Variants in RPS6KC1 observed in about 807,000 individuals in gnomAD.
RPS6KC1 encodes inactive ribosomal protein S6 kinase delta-1.
A neutral mutation model predicts 103.8 loss-of-function variants in RPS6KC1; 54 were observed. That is an observed-to-expected ratio of 0.52 (90% CI 0.42 to 0.65). RPS6KC1 has a LOEUF of 0.65. RPS6KC1 is among the 30% of genes least tolerant of loss of function. The probability of loss-of-function intolerance (pLI) is 0.00; values close to 1 mark genes in which losing one functional copy is unlikely to be tolerated. For synonymous variants in RPS6KC1, 439 were observed against 438.7 expected, an observed-to-expected ratio of 1.00 and a Z score of -0.01; for missense variants, 1,151 against 1,253.8, an observed-to-expected ratio of 0.92 and a Z score of 1.24.
chr1:213,706,705 C>G, the RPS6KC1 span, among the ~76,000 whole-genome samples: 1 of 152,142 alleles, frequency 6.6e-6, no homozygotes, highest in Non-Finnish European at 1.5e-5. Flanking sequence ...CCTTGCCCCC[C>G]ACCCGTTGAC....
the RPS6KC1 span, among the ~76,000 whole-genome samples, chr1:213,844,008 A>C: frequency 6.6e-6 from 1 of 152,128 alleles, no homozygotes; most frequent in Non-Finnish European, 1.5e-5. Context: ...GGGGAAAAAA[A>C]AAAAGAAGAA....
the RPS6KC1 span, among the ~76,000 whole-genome samples, chr1:213,479,728 T>C: frequency 2.0e-5 from 3 of 152,096 alleles, no homozygotes; most frequent in African/African-American, 7.2e-5. Flanking sequence ...CACAAAGATG[T>C]TCTTTTATTT....
At chr1:213,409,727 C>T in the RPS6KC1 span, among the ~76,000 whole-genome samples, 3 of 152,210 alleles carry the variant, frequency 2.0e-5, no homozygotes, top group African/African-American at 7.2e-5. Context: ...TTAGTGCATG[C>T]TCTGTGTAAC....
chr1:213,166,927 G>GTCTC (rs2091016726), intron 6 of RPS6KC1, among the ~76,000 whole-genome samples: 1 of 152,140 alleles, frequency 6.6e-6, no homozygotes, highest in Non-Finnish European at 1.5e-5. Context: ...TTTCTTTTAA[G>GTCTC]TCTCGTATAT....
chr1:213,621,859 C>T, the RPS6KC1 span, among the ~76,000 whole-genome samples: 1 of 152,222 alleles, frequency 6.6e-6, no homozygotes, highest in African/African-American at 2.4e-5. Context: ...GAACGTGATG[C>T]CCTATTTCTT....
At chr1:213,685,451 T>C in the RPS6KC1 span, among the ~76,000 whole-genome samples, 3 of 152,098 alleles carry the variant, frequency 2.0e-5, no homozygotes, top group South Asian at 6.2e-4. Flanking sequence ...GCCAACATGG[T>C]GAAAACCCCT....
At chr1:213,268,372 A>G (rs1238022194) in intron 14 of RPS6KC1, among the ~76,000 whole-genome samples, 1 of 151,914 alleles carries the variant, frequency 6.6e-6, no homozygotes, top group African/African-American at 2.4e-5. Context: ...AAATATAGAA[A>G]GACTGGGAGG....
intron 3 of RPS6KC1, among the ~76,000 whole-genome samples, chr1:213,103,062 T>C (rs1423295244): frequency 6.6e-6 from 1 of 151,912 alleles, no homozygotes; most frequent in East Asian, 1.9e-4. Context: ...TAGCTGGCTG[T>C]GGTGGCGTGT....
chr1:213,219,698 T>C (rs921571310), intron 8 of RPS6KC1, among the ~76,000 whole-genome samples: 7 of 152,318 alleles, frequency 4.6e-5, no homozygotes, highest in Admixed American at 3.3e-4. Context: ...GATGAGTTCA[T>C]GTCCTTTGTA....
chr1:213,835,099 A>G, the RPS6KC1 span, among the ~76,000 whole-genome samples: 2 of 152,216 alleles, frequency 1.3e-5, no homozygotes, highest in Non-Finnish European at 2.9e-5. Flanking sequence ...CAAAATCGAA[A>G]TTAAATTAAA....
At chr1:213,762,688 T>C in the RPS6KC1 span, among the ~76,000 whole-genome samples, 1 of 152,282 alleles carries the variant, frequency 6.6e-6, no homozygotes, top group African/African-American at 2.4e-5. Flanking sequence ...AAAATACCTG[T>C]CATTCATATT....
chr1:213,306,608 G>T, the RPS6KC1 span, among the ~76,000 whole-genome samples: 1 of 152,160 alleles, frequency 6.6e-6, no homozygotes, highest in Non-Finnish European at 1.5e-5. Flanking sequence ...CACTTAAAGG[G>T]AGAATGTTAT....
intron 6 of RPS6KC1, among the ~76,000 whole-genome samples, chr1:213,148,640 T>G (rs2088189157): frequency 6.6e-6 from 1 of 152,142 alleles, no homozygotes; most frequent in Non-Finnish European, 1.5e-5. Context: ...ATGGTTTTCT[T>G]TTTTTTGGAT....
chr1:213,385,724 G>A, the RPS6KC1 span, among the ~76,000 whole-genome samples: 1 of 152,124 alleles, frequency 6.6e-6, no homozygotes, highest in Non-Finnish European at 1.5e-5. Flanking sequence ...ACCAGGACAG[G>A]TGCACTGAGT....
Position 213,104,538 on chromosome 1 carries a change from A to G in RPS6KC1, c.347A>G (p.Tyr116Cys), listed in dbSNP as rs1008424132. 6.2e-7 allele frequency: 1 copy of G among 1,604,988 alleles called. No homozygotes were observed. The highest frequency in any genetic ancestry group is 1.3e-5 in the African/African-American group (1 of 74,664). The change falls in exon 4 of 15, where the codon TAC (tyrosine) becomes TGC (cysteine). Residue 116 changes from tyrosine (Y) to cysteine (C), a missense_variant. Physicochemically the swap from Tyr to Cys is radical, Grantham distance 194. Coordinates refer to ENST00000366960, the MANE Select transcript of RPS6KC1 (RefSeq NM_012424.6). ...TTCTCTGCCAATATTCCTGCTCTTT[A>G]CAATAGTAAACAGCTTGAAGACTTT... ...LQFSANIPALYNSKQLEDFFK... is the reference protein window; with the variant it reads ...LQFSANIPALCNSKQLEDFFK...
chr1:213,645,335 G>A, the RPS6KC1 span, among the ~76,000 whole-genome samples: 1 of 152,096 alleles, frequency 6.6e-6, no homozygotes, highest in East Asian at 1.9e-4. Flanking sequence ...AGTAGAAGGT[G>A]ACAAGGTAAA....
chr1:213,793,779 A>T, the RPS6KC1 span, among the ~76,000 whole-genome samples: 3 of 152,212 alleles, frequency 2.0e-5, no homozygotes, highest in Non-Finnish European at 4.4e-5. Flanking sequence ...TTTCTGTCTG[A>T]TGAGTAGGAC....
At chr1:213,587,122 C>A in the RPS6KC1 span, among the ~76,000 whole-genome samples, 22 of 152,118 alleles carry the variant, frequency 1.4e-4, no homozygotes, top group Non-Finnish European at 1.8e-4. Context: ...TACATTTTAC[C>A]TTTATGCTTT....
the RPS6KC1 span, among the ~76,000 whole-genome samples, chr1:213,824,366 T>C: frequency 6.6e-6 from 1 of 152,222 alleles, no homozygotes; most frequent in Non-Finnish European, 1.5e-5. Flanking sequence ...TCATCCTCCC[T>C]TGTTAGCTTA....
Sources: gnomAD v4.1 joint callset for allele counts (sites outside exome capture counted in the v4.1 genomes callset) on GRCh38, gnomAD v4.1.1 for gene constraint, MANE v1.5 for transcripts, NCBI Gene and HGNC (gene_info 2026-07-23, HGNC 2026-07-21) for gene names.